Variants in CDR2 observed in about 807,000 individuals in gnomAD.
CDR2 encodes cerebellar degeneration-related protein 2.
A neutral mutation model predicts 48.4 loss-of-function variants in CDR2; 34 were observed. The observed-to-expected ratio is 0.70, with a 90% confidence interval of 0.53 to 0.94. The LOEUF is 0.94. Ranked by LOEUF, CDR2 falls within the 40% of genes least tolerant of loss-of-function variation. The probability of loss-of-function intolerance (pLI) is 0.00; values close to 1 mark genes in which losing one functional copy is unlikely to be tolerated. For synonymous variants in CDR2, 240 were observed against 219.7 expected (o/e 1.09, Z -0.82); for missense variants, 498 against 549.5 (o/e 0.91, Z 0.94).
chr16:22,372,534 T>C (rs1360323067), intron 1 of CDR2, among the ~76,000 whole-genome samples: 2 of 152,194 alleles, frequency 1.3e-5, no homozygotes, highest in Non-Finnish European at 2.9e-5. Flanking sequence ...GAGAAATATT[T>C]AGTTGTGATG....
intron 2 of CDR2, among the ~76,000 whole-genome samples, chr16:22,364,653 A>G (rs1257740275): frequency 6.6e-6 from 1 of 152,148 alleles, no homozygotes; most frequent in Non-Finnish European, 1.5e-5. Flanking sequence ...ATCTGAGGAC[A>G]GGAGTTCGAG....
Position 22,353,468 on chromosome 16 carries a change from T to C in CDR2, c.193-3619A>G, listed in dbSNP as rs1046733667. 2.6e-5 allele frequency among the ~76,000 whole-genome samples: 4 copies of C among 152,206 alleles called. No homozygotes were observed. In the East Asian group the frequency reaches 7.7e-4, roughly 29 times the overall value. The stretch of plus-strand genomic sequence containing the variant: ...CTTCATAAGGCTGTAAAGATAAATA[T>C]GTGTGTGGGAGAGACTGGACTATGT... On this transcript the variant is annotated intron_variant, in intron 2 of 4. Transcript: ENST00000268383.
chr16:22,346,854 T>G lies in CDR2; in HGVS notation c.*111A>C. The G allele has an allele frequency of 8.3e-7, 1 of 1,205,580 alleles. No homozygotes were observed. The allele number at this position is 1,205,580 out of a possible 1,614,324, so 74.7% of individuals were successfully genotyped here. Reference sequence around the variant, plus strand: ...TGCATTTGCTAAATAAGCAAAGCAATGAGGCAAACGTCATGAGTAACATTA... The same window carrying G: ...TGCATTTGCTAAATAAGCAAAGCAAGGAGGCAAACGTCATGAGTAACATTA... On this transcript the variant is annotated 3_prime_UTR_variant, in exon 5 of 5. Transcript: ENST00000268383.
At chr16:22,348,719 C>G (rs1451121681) in intron 4 of CDR2, among the ~76,000 whole-genome samples, 1 of 152,192 alleles carries the variant, frequency 6.6e-6, no homozygotes, top group Non-Finnish European at 1.5e-5. Flanking sequence ...AAATGAACCA[C>G]CTGGTTTCTC....
chr16:22,352,484 AT>A (rs1218347141), intron 2 of CDR2, among the ~76,000 whole-genome samples: 1 of 152,122 alleles, frequency 6.6e-6, no homozygotes, highest in Non-Finnish European at 1.5e-5. Flanking sequence ...GTTTTGGAAA[AT>A]TCTTTAAATT....
chr16:22,367,997 G>C (rs2049053888), intron 1 of CDR2, among the ~76,000 whole-genome samples: 1 of 152,022 alleles, frequency 6.6e-6, no homozygotes, highest in African/African-American at 2.4e-5. Context: ...TGAACCAGAT[G>C]GACTGCTTGA....
rs2048927424 is a variant in CDR2 at position 22,349,401 on chromosome 16, G to C, written c.384C>G (p.His128Gln). The change falls in exon 4 of 5, where the codon CAC (histidine) becomes CAG (glutamine). Residue 128 changes from histidine to glutamine, a missense_variant. Physicochemically the swap from His to Gln is conservative, Grantham distance 24. Coordinates refer to ENST00000268383, the MANE Select transcript of CDR2 (RefSeq NM_001802.2). ...TCAGCTCCTCCACTTGGCTCTGGAG[G>C]TGATCAATGTTGGTTTGCAGGCATT... ...TIECLQTNID[H>Q]LQSQVEELKS... The C allele has an allele frequency of 6.2e-7, 1 of 1,614,170 alleles. No individual in the cohort carries two copies. Among genetic ancestry groups the C allele is most frequent in the South Asian group, 1.1e-5 (1 of 91,088 alleles).
At chr16:22,363,059 T>A (rs1282731704) in intron 2 of CDR2, among the ~76,000 whole-genome samples, 1 of 152,004 alleles carries the variant, frequency 6.6e-6, no homozygotes, top group Non-Finnish European at 1.5e-5. Flanking sequence ...TTCAAGTGAT[T>A]CTCCTGCCTC....
At chr16:22,355,120 T>G (rs1339616154) in intron 2 of CDR2, among the ~76,000 whole-genome samples, 1 of 152,218 alleles carries the variant, frequency 6.6e-6, no homozygotes, top group Non-Finnish European at 1.5e-5. Context: ...TCTAGGACGT[T>G]TTATTTTAAC....
In CDR2 at chr16:22,346,712, A is replaced by G; in HGVS notation, c.*253T>C. 2.0e-6 allele frequency: 1 copy of G among 490,740 alleles called. No individual in the cohort carries two copies. The highest frequency in any genetic ancestry group is 3.5e-5 in the East Asian group (1 of 28,516). 30.4% of individuals were successfully genotyped at this position (490,740 alleles called of 1,614,324 possible). On this transcript the variant is annotated 3_prime_UTR_variant, in exon 5 of 5. Transcript: ENST00000268383. ...TTCCCTCCACTGGTCCTTTTCAGGA[A>G]CTGAAGTCTAATCAGCGCGCCAGCC...
rs2048907373 is a variant in CDR2 at position 22,346,736 on chromosome 16, C to T, written c.*229G>A. 1.8e-6 allele frequency: 1 copy of T among 553,952 alleles called. No individual in the cohort carries two copies. The highest frequency in any genetic ancestry group is 3.2e-6 in the Non-Finnish European group (1 of 311,122). The allele number at this position is 553,952 out of a possible 1,614,324, so 34.3% of individuals were successfully genotyped here. ...AACTGAAGTCTAATCAGCGCGCCAG[C>T]CAGAGGCCAGTTTGTCATGGGATTT... On this transcript the variant is annotated 3_prime_UTR_variant, in exon 5 of 5. Coordinates refer to ENST00000268383, the MANE Select transcript of CDR2 (RefSeq NM_001802.2).
chr16:22,369,770 GC>G (rs1302669828), intron 1 of CDR2, among the ~76,000 whole-genome samples: 1 of 151,150 alleles, frequency 6.6e-6, no homozygotes, highest in Non-Finnish European at 1.5e-5. Context: ...CTGGCAGTAA[GC>G]CCAAGAAAGT....
At chr16:22,374,033 T>C (rs2049098725) in intron 1 of CDR2, among the ~76,000 whole-genome samples, 198 bp downstream of exon 1, 1 of 152,116 alleles carries the variant, frequency 6.6e-6, no homozygotes, top group Non-Finnish European at 1.5e-5. Flanking sequence ...AACTGCGCAT[T>C]AGCAAGGCCG....
chr16:22,372,718 C>T (rs1172737901), intron 1 of CDR2, among the ~76,000 whole-genome samples: 2 of 152,196 alleles, frequency 1.3e-5, no homozygotes, highest in African/African-American at 2.4e-5. Flanking sequence ...AAACACTGCA[C>T]TGCAACCACT....
At chr16:22,360,413 A>G (rs147384444) in intron 2 of CDR2, among the ~76,000 whole-genome samples, 21 of 152,240 alleles carry the variant, frequency 1.4e-4, no homozygotes, top group African/African-American at 4.8e-4. Flanking sequence ...TCGTTTTTAC[A>G]TTAAAAATGA....
At chr16:22,372,519 G>A (rs1021314036) in intron 1 of CDR2, among the ~76,000 whole-genome samples, 1 of 152,160 alleles carries the variant, frequency 6.6e-6, no homozygotes, top group Non-Finnish European at 1.5e-5. Context: ...CTTAAATACA[G>A]GAAAGAGAAA....
At chr16:22,355,961 C>G (rs543273218) in intron 2 of CDR2, among the ~76,000 whole-genome samples, 1 of 152,220 alleles carries the variant, frequency 6.6e-6, no homozygotes, top group African/African-American at 2.4e-5. Context: ...CAATAAACCA[C>G]TAGTAGTATT....
In CDR2 at chr16:22,347,764, C is replaced by T. The variant is rs2048917132; in HGVS notation, c.566G>A (p.Ser189Asn). Residue 189 changes from serine to asparagine, a missense_variant, in exon 5 of 5, where the codon AGC (serine) becomes AAC (asparagine). Physicochemically the swap from Ser to Asn is conservative, Grantham distance 46. Coordinates refer to ENST00000268383, the MANE Select transcript of CDR2 (RefSeq NM_001802.2). ...EKITSLQGQP[S>N]PDEEENEHLK... ...GTGCTCATTTTCCTCTTCATCAGGG[C>T]TTGGCTGACCTTGCAAGGAAGTGAT... The T allele has an allele frequency of 1.2e-6, 2 of 1,614,070 alleles. No homozygotes were observed. The highest frequency in any genetic ancestry group is 1.7e-6 in the Non-Finnish European group (2 of 1,180,010).
intron 2 of CDR2, among the ~76,000 whole-genome samples, chr16:22,362,600 C>T (rs753020422): frequency 4.3e-4 from 65 of 152,246 alleles, no homozygotes; most frequent in African/African-American, 1.0e-3. Context: ...TCATAGACTA[C>T]GATAATACAA....
Sources: allele counts gnomAD v4.1 joint callset (sites outside exome capture counted in the v4.1 genomes callset), GRCh38; gene constraint gnomAD v4.1.1; transcripts MANE v1.5; gene names NCBI Gene and HGNC (gene_info 2026-07-23, HGNC 2026-07-21).